The following ANKRD11 variants were observed in gnomAD, a reference collection of about 807,000 sequenced individuals.
The protein encoded by ANKRD11 is ankyrin repeat domain 11, also known as ankyrin repeat domain-containing protein 11.
Under a neutral mutation model 195.7 loss-of-function variants are expected in ANKRD11, and 17 were observed. The ratio of observed to expected loss-of-function variants is 0.09; its 90% CI spans 0.06 to 0.13. The LOEUF (loss-of-function observed/expected upper bound fraction) is 0.13, where lower values mean the gene tolerates loss of function less well. Among genes scored for constraint, ANKRD11 ranks in the 10% least tolerant of loss-of-function variants. The pLI is 1.00. For missense variants in ANKRD11, 3,735 were observed against 3,566.1 expected, an observed-to-expected ratio of 1.05 and a Z score of -1.21; for synonymous variants, 1,953 against 1,528.1, an observed-to-expected ratio of 1.28 and a Z score of -6.49.
In ANKRD11 at chr16:89,413,352, G is replaced by A. The variant is rs533327344; in HGVS notation, c.-60+4932C>T. ...TGTTGAAAATGGAAGTGGACTGGGC[G>A]CAGTGGCTCACGCCTGTAATCCCAG... On this transcript the variant is annotated intron_variant, in intron 2 of 12. Transcript: ENST00000301030. 4.6e-5 allele frequency among the ~76,000 whole-genome samples: 7 copies of A among 152,262 alleles called. No individual in the cohort carries two copies. The East Asian group carries it at 1.2e-3, about 25-fold the overall frequency.
At chr16:89,355,752 G>T (rs1399918926) in intron 2 of ANKRD11, among the ~76,000 whole-genome samples, 1 of 152,240 alleles carries the variant, frequency 6.6e-6, no homozygotes, top group African/African-American at 2.4e-5. Flanking sequence ...GGCAGGTCTT[G>T]TGTTACTGAG....
chr16:89,458,614 C>G (rs1330189080), intron 1 of ANKRD11, among the ~76,000 whole-genome samples: 5 of 152,238 alleles, frequency 3.3e-5, no homozygotes, highest in Non-Finnish European at 5.9e-5. Context: ...CACTGGAAGG[C>G]TGAACATCAC....
chr16:89,459,670 A>C (rs1270552801), intron 1 of ANKRD11, among the ~76,000 whole-genome samples: 1 of 152,210 alleles, frequency 6.6e-6, no homozygotes, highest in African/African-American at 2.4e-5. Context: ...AGGTTTAAAA[A>C]AATAAAATTC....
At chr16:89,476,597 G>C (rs2057265951) in intron 1 of ANKRD11, among the ~76,000 whole-genome samples, 1 of 152,166 alleles carries the variant, frequency 6.6e-6, no homozygotes, top group Non-Finnish European at 1.5e-5. Context: ...CAGCCAGGTG[G>C]GGCTCTGCAG....
At chr16:89,371,631 G>A (rs931309834) in intron 2 of ANKRD11, among the ~76,000 whole-genome samples, 8 of 152,092 alleles carry the variant, frequency 5.3e-5, no homozygotes, top group Non-Finnish European at 1.2e-4. Flanking sequence ...CCCACATGAC[G>A]ACACCCAAGG....
At chr16:89,316,762 C>A (rs1308915318) in intron 3 of ANKRD11, among the ~76,000 whole-genome samples, 171 bp downstream of exon 3, 1 of 152,212 alleles carries the variant, frequency 6.6e-6, no homozygotes, top group Non-Finnish European at 1.5e-5. Flanking sequence ...AAAAGCAAGG[C>A]CACTTTGGGA....
intron 2 of ANKRD11, among the ~76,000 whole-genome samples, chr16:89,388,540 C>T (rs1454795915): frequency 3.9e-5 from 6 of 152,068 alleles, no homozygotes; most frequent in East Asian, 1.9e-4. Context: ...AAAAAGCCCA[C>T]GAGATGACAA....
chr16:89,303,239 G>A (rs1210718410), intron 4 of ANKRD11, among the ~76,000 whole-genome samples: 1 of 152,192 alleles, frequency 6.6e-6, no homozygotes, highest in South Asian at 2.1e-4. Flanking sequence ...GCCAACTCCC[G>A]CATGGCCACT....
At chr16:89,367,566 C>A (rs190056238) in intron 2 of ANKRD11, among the ~76,000 whole-genome samples, 12 of 152,362 alleles carry the variant, frequency 7.9e-5, no homozygotes, top group African/African-American at 2.9e-4. Context: ...CCCCTCTACC[C>A]TGTTCCTGAC....
intron 12 of ANKRD11, chr16:89,270,413 C>T (rs1486663126): frequency 4.3e-5 from 13 of 300,166 alleles, no homozygotes; most frequent in Middle Eastern, 1.2e-3. Context: ...CCCTCGCGAC[C>T]GGGATAAGGG....
intron 3 of ANKRD11, among the ~76,000 whole-genome samples, chr16:89,314,676 A>C (rs2036840415): frequency 6.6e-6 from 1 of 152,146 alleles, no homozygotes; most frequent in African/African-American, 2.4e-5. Flanking sequence ...CTGAGACCTG[A>C]GCCAGGAGAG....
intron 2 of ANKRD11, among the ~76,000 whole-genome samples, chr16:89,344,928 A>C (rs1387114513): frequency 6.6e-6 from 1 of 152,226 alleles, no homozygotes; most frequent in African/African-American, 2.4e-5. Context: ...TGTAGAAAAT[A>C]CCAGTGAAAA....
chr16:89,483,420 C>T (rs1247802918), intron 1 of ANKRD11, among the ~76,000 whole-genome samples: 1 of 152,220 alleles, frequency 6.6e-6, no homozygotes, highest in Non-Finnish European at 1.5e-5. Flanking sequence ...ATATGCTTAA[C>T]ATTTTACCTG....
intron 1 of ANKRD11, among the ~76,000 whole-genome samples, chr16:89,484,010 C>T (rs1316147910): frequency 6.6e-6 from 1 of 152,082 alleles, no homozygotes; most frequent in Non-Finnish European, 1.5e-5. Context: ...TCCTTGAAAT[C>T]CGAATCAACT....
intron 6 of ANKRD11, among the ~76,000 whole-genome samples, chr16:89,290,244 GCGGGGGGTAGGCTCAGGGCTCCAA>G (rs1441838388): frequency 0.018 from 449 of 24,780 alleles, 46 homozygotes; most frequent in African/African-American, 0.038. Flanking sequence ...CAGGGCTCCA[GCGGGGGGTAGGCTCAGGGCTCCAA>G]TGGGGGTAGG....
At chr16:89,355,247 A>G (rs564246949) in intron 2 of ANKRD11, among the ~76,000 whole-genome samples, 1 of 149,716 alleles carries the variant, frequency 6.7e-6, no homozygotes, top group African/African-American at 2.5e-5. Flanking sequence ...GAGGGCTCAC[A>G]CCCTGAGGCT....
rs140118790 is a variant in ANKRD11, at chr16:89,297,422, C to G, written c.227-6239G>C. The stretch of plus-strand genomic sequence containing the variant: ...CAGGGCCGGGTGCAGCTTTGTAGCA[C>G]GGCTGCTGCTCACAGATTCTCTTCC... On this transcript the variant is annotated intron_variant, in intron 4 of 12. Coordinates refer to ENST00000301030, the MANE Select transcript of ANKRD11 (RefSeq NM_013275.6). 4 of 152,316 alleles carry G rather than the reference C, an allele frequency of 2.6e-5. No individual in the cohort carries two copies. The East Asian group carries it at 5.8e-4, about 22-fold the overall frequency. 9.4% of individuals were successfully genotyped at this position (152,316 alleles called of 1,614,324 possible).
chr16:89,358,874 G>T (rs2039606185), intron 2 of ANKRD11, among the ~76,000 whole-genome samples: 1 of 151,980 alleles, frequency 6.6e-6, no homozygotes, highest in African/African-American at 2.4e-5. Flanking sequence ...TGCCCAGGCT[G>T]GAGCGCAGTG....
intron 12 of ANKRD11, 104 bp from the exon 13 acceptor site, chr16:89,268,767 G>A (rs1015471920): frequency 3.2e-5 from 44 of 1,361,744 alleles, no homozygotes; most frequent in Admixed American, 6.1e-5. Flanking sequence ...ATACGGCCGT[G>A]AACCTACCCT....
Sources: allele counts gnomAD v4.1 joint callset (sites outside exome capture counted in the v4.1 genomes callset), GRCh38; gene constraint gnomAD v4.1.1; transcripts MANE v1.5; gene names NCBI Gene and HGNC (gene_info 2026-07-23, HGNC 2026-07-21).